Variants in DLG2 observed in about 807,000 individuals in gnomAD.
DLG2 encodes the protein disks large homolog 2.
DLG2 carries 45 observed loss-of-function variants against 132.5 expected under a neutral mutation model. The ratio of observed to expected loss-of-function variants is 0.34; its 90% CI spans 0.27 to 0.44. The LOEUF is 0.44. DLG2 is among the 20% of genes least tolerant of loss of function. The pLI is 1.00. For missense variants in DLG2, 1,045 were observed against 1,196.9 expected (o/e 0.87, Z 1.87); for synonymous variants, 424 against 419.6 (o/e 1.01, Z -0.13).
At chr11:83,963,119 C>T (rs915736344) in intron 13 of DLG2, 96 bp from the exon 14 acceptor site, 1 of 1,386,518 alleles carries the variant, frequency 7.2e-7, no homozygotes, top group Admixed American at 2.0e-5. Context: ...AACAGAAAGG[C>T]TTTGCTGCAT....
In DLG2 at chr11:85,136,841, G is replaced by A. The variant is rs2076171403; in HGVS notation, c.282+17715C>T. 2.0e-5 allele frequency among the ~76,000 whole-genome samples: 3 copies of A among 151,990 alleles called. No homozygotes were observed. In the South Asian group the frequency reaches 6.2e-4, roughly 31 times the overall value. On this transcript the variant is annotated intron_variant, in intron 5 of 27. Transcript: ENST00000376104. Reference sequence around the variant, plus strand: ...AATGTATATATCTGGCACCTAATATGGTACTGGCACTTAAGAGGCACAAAA... The same window carrying A: ...AATGTATATATCTGGCACCTAATATAGTACTGGCACTTAAGAGGCACAAAA...
intron 10 of DLG2, among the ~76,000 whole-genome samples, chr11:84,097,158 C>T (rs1228921597): frequency 6.6e-6 from 1 of 152,176 alleles, no homozygotes; most frequent in Non-Finnish European, 1.5e-5. Context: ...ACTTCACTTG[C>T]TTTATTTAAT....
At chr11:85,419,331 C>G (rs894347996) in intron 3 of DLG2, among the ~76,000 whole-genome samples, 1 of 152,144 alleles carries the variant, frequency 6.6e-6, no homozygotes, top group Non-Finnish European at 1.5e-5. Flanking sequence ...GGTAACCCAA[C>G]CTTTCTCTCT....
chr11:84,786,892 G>A (rs1427941051), intron 6 of DLG2, among the ~76,000 whole-genome samples: 3 of 152,082 alleles, frequency 2.0e-5, no homozygotes, highest in Non-Finnish European at 2.9e-5. Context: ...TTAGGGTCCC[G>A]GGGGCCAGGA....
chr11:85,024,189 A>T (rs2060319077), intron 6 of DLG2, among the ~76,000 whole-genome samples: 1 of 152,122 alleles, frequency 6.6e-6, no homozygotes, highest in Non-Finnish European at 1.5e-5. Context: ...TGAAAAGTTA[A>T]GGCATTTGTA....
chr11:85,524,588 G>T (rs915419431), intron 3 of DLG2, among the ~76,000 whole-genome samples: 1 of 152,084 alleles, frequency 6.6e-6, no homozygotes, highest in South Asian at 2.1e-4. Flanking sequence ...CACTTCCTGG[G>T]ATCAAGCAAT....
chr11:85,376,719 C>A (rs2085432715), intron 3 of DLG2, among the ~76,000 whole-genome samples: 1 of 152,066 alleles, frequency 6.6e-6, no homozygotes, highest in African/African-American at 2.4e-5. Context: ...CTGGAAAAAT[C>A]AGATCTTTGT....
At chr11:84,818,931 C>CATTAT (rs2077362015) in intron 6 of DLG2, among the ~76,000 whole-genome samples, 1 of 150,746 alleles carries the variant, frequency 6.6e-6, no homozygotes, top group Non-Finnish European at 1.5e-5. Flanking sequence ...TCCAGGCAGT[C>CATTAT]CATTATCATC....
chr11:84,339,990 C>T lies in DLG2; in HGVS notation c.520-88699G>A, dbSNP rs72959556. 3.9e-3 allele frequency among the ~76,000 whole-genome samples: 590 copies of T among 152,286 alleles called. 2 individuals carry two copies. The highest frequency in any genetic ancestry group is 6.6e-3 in the Non-Finnish European group (452 of 68,018). On this transcript the variant is annotated intron_variant, in intron 7 of 27. Transcript: ENST00000376104. Reference sequence around the variant, plus strand: ...TACTTAGAGATTAGGCTTGTGTGTGCATGGGGACTAGTATGTTTGCTGAAC... The same window carrying T: ...TACTTAGAGATTAGGCTTGTGTGTGTATGGGGACTAGTATGTTTGCTGAAC...
chr11:85,384,308 T>C (rs2086143725), intron 3 of DLG2, among the ~76,000 whole-genome samples: 1 of 152,220 alleles, frequency 6.6e-6, no homozygotes, highest in Non-Finnish European at 1.5e-5. Context: ...TTGGTTCATC[T>C]TTGGTGGCAA....
chr11:84,187,462 A>G (rs1035071438), intron 8 of DLG2, among the ~76,000 whole-genome samples: 2 of 152,068 alleles, frequency 1.3e-5, no homozygotes, highest in Non-Finnish European at 2.9e-5. Flanking sequence ...CACAAAGAAT[A>G]AAAGAAGCAT....
chr11:85,399,751 C>T (rs1184108716), intron 3 of DLG2, among the ~76,000 whole-genome samples: 1 of 152,064 alleles, frequency 6.6e-6, no homozygotes, highest in Non-Finnish European at 1.5e-5. Context: ...AAACTGGATC[C>T]CCTCCTTACA....
intron 3 of DLG2, among the ~76,000 whole-genome samples, chr11:85,461,077 C>G (rs2092594581): frequency 6.6e-6 from 1 of 152,180 alleles, no homozygotes; most frequent in South Asian, 2.1e-4. Context: ...CTTTACCATT[C>G]ATACAGAAAC....
chr11:84,312,303 T>C (rs539533751), intron 7 of DLG2, among the ~76,000 whole-genome samples: 172 of 152,224 alleles, frequency 1.1e-3, no homozygotes, highest in Non-Finnish European at 2.9e-4. Flanking sequence ...ACCCCATCTC[T>C]AATAAAAATA....
At chr11:83,625,683 G>T (rs2062400712) in intron 19 of DLG2, among the ~76,000 whole-genome samples, 1 of 152,178 alleles carries the variant, frequency 6.6e-6, no homozygotes, top group South Asian at 2.1e-4. Flanking sequence ...ACTTCAAGTT[G>T]TCTCACTAAG....
At chr11:83,503,875 C>T (rs1281302491) in intron 21 of DLG2, among the ~76,000 whole-genome samples, 1 of 152,088 alleles carries the variant, frequency 6.6e-6, no homozygotes, top group Non-Finnish European at 1.5e-5. Context: ...TCAACTTGAA[C>T]CCATACACAT....
chr11:85,214,026 C>G (rs1006741059), intron 4 of DLG2, among the ~76,000 whole-genome samples: 1 of 152,136 alleles, frequency 6.6e-6, no homozygotes, highest in African/African-American at 2.4e-5. Context: ...CCTTTTGAAT[C>G]TCCTCCTTCT....
chr11:83,882,617 C>G (rs1359876120), intron 15 of DLG2, among the ~76,000 whole-genome samples: 1 of 151,974 alleles, frequency 6.6e-6, no homozygotes, highest in African/African-American at 2.4e-5. Flanking sequence ...CTTTTAAATA[C>G]CAATAAAACA....
intron 18 of DLG2, among the ~76,000 whole-genome samples, chr11:83,720,627 G>A (rs1384512610): frequency 6.6e-6 from 1 of 151,430 alleles, no homozygotes; most frequent in Non-Finnish European, 1.5e-5. Context: ...CCACCACACT[G>A]TAAATACTTA....
Sources: allele counts gnomAD v4.1 joint callset (sites outside exome capture counted in the v4.1 genomes callset), GRCh38; gene constraint gnomAD v4.1.1; transcripts MANE v1.5; gene names NCBI Gene and HGNC (gene_info 2026-07-23, HGNC 2026-07-21).